The following STAT4 variants were observed in gnomAD, a reference collection of about 807,000 sequenced individuals.
STAT4 encodes the protein signal transducer and activator of transcription 4.
Under a neutral mutation model 110.5 loss-of-function variants are expected in STAT4, and 42 were observed. That is an observed-to-expected ratio of 0.38 (90% confidence interval 0.30 to 0.49). The LOEUF (loss-of-function observed/expected upper bound fraction) is 0.49, where lower values mean the gene tolerates loss of function less well. STAT4 is among the 20% of genes least tolerant of loss of function. The pLI, the probability that STAT4 is intolerant of heterozygous loss-of-function variation, is 0.95. For missense variants in STAT4, 632 were observed against 887.9 expected (o/e 0.71, Z 3.66); for synonymous variants, 284 against 302.2 (o/e 0.94, Z 0.63).
intron 14 of STAT4, among the ~76,000 whole-genome samples, chr2:191,047,406 G>A (rs1305406713): frequency 6.6e-6 from 1 of 152,144 alleles, no homozygotes; most frequent in South Asian, 2.1e-4. Context: ...TCACAACCTG[G>A]GACTTGCAAT....
intron 6 of STAT4, among the ~76,000 whole-genome samples, 172 bp downstream of exon 6, chr2:191,069,521 A>G (rs1447052299): frequency 2.0e-5 from 3 of 152,146 alleles, no homozygotes; most frequent in African/African-American, 7.2e-5. Context: ...ACGCACACAC[A>G]GACATATTTA....
At position 191,033,654 on chromosome 2, in the gene STAT4, C is replaced by T; in HGVS notation, c.1716-28G>A. On this transcript the variant is annotated intron_variant, in intron 19 of 23. Transcript: ENST00000392320. This position sits in a 1 kb window ranked among gnomAD's most constrained non-coding sequence, Gnocchi z 6.9. ...AAAAATAGAACATGCATTATTTCATCTGATCATTATTGGATTTTCACTTAT... is the reference window on the plus strand; with the variant it reads ...AAAAATAGAACATGCATTATTTCATTTGATCATTATTGGATTTTCACTTAT... The T allele has an allele frequency of 6.2e-7, 1 of 1,605,006 alleles. No homozygotes were observed. The highest frequency in any genetic ancestry group is 8.5e-7 in the Non-Finnish European group (1 of 1,176,854).
intron 3 of STAT4, among the ~76,000 whole-genome samples, chr2:191,136,017 A>AAAAAAAAAAAAAAAAAAAAAC (rs1699171501): frequency 7.8e-6 from 1 of 127,768 alleles, no homozygotes; most frequent in African/African-American, 2.9e-5. Flanking sequence ...AAAAAAAAAA[A>AAAAAAAAAAAAAAAAAAAAAC]AAAAACCAAA....
intron 18 of STAT4, among the ~76,000 whole-genome samples, chr2:191,034,223 C>T (rs3024891): frequency 0.36 from 53,990 of 151,856 alleles, 11,634 homozygotes; most frequent in Non-Finnish European, 0.49. Context: ...GAGATTGAGA[C>T]CATCCTGACT....
Position 191,104,389 on chromosome 2 carries a change from T to C in STAT4, c.274-28064A>G, listed in dbSNP as rs1220940423. Among the ~76,000 whole-genome samples the C allele has an allele frequency of 6.6e-6, 1 of 152,132 alleles. No homozygotes were observed. The highest frequency in any genetic ancestry group is 2.4e-5 in the African/African-American group (1 of 41,442). On this transcript the variant is annotated intron_variant, in intron 3 of 23. Transcript: ENST00000392320. This position sits in a 1 kb window ranked among gnomAD's most constrained non-coding sequence, Gnocchi z 4.3. ...CTAACATTTATTTTCTAGGAGAAGA[T>C]GAGGTAATATTGTAGATAAAAAGCT...
rs1455121532 is a variant in STAT4 at position 191,083,776 on chromosome 2, G to T, written c.274-7451C>A. ...TTCCTCGCCAATGTCAAACACACTG[G>T]CCTGTGTGGGTATCAAACTGACTTA... On this transcript the variant is annotated intron_variant, in intron 3 of 23. Transcript: ENST00000392320. This position sits in a 1 kb window ranked among gnomAD's most constrained non-coding sequence, Gnocchi z 4.6. 6.6e-6 allele frequency among the ~76,000 whole-genome samples: 1 copy of T among 151,964 alleles called. No individual in the cohort carries two copies. The highest frequency in any genetic ancestry group is 1.5e-5 in the Non-Finnish European group (1 of 68,006).
At position 191,076,296 on chromosome 2, in the gene STAT4, T is replaced by C; in HGVS notation, c.303A>G (p.Val101=). Residue 101 remains valine (V), a synonymous_variant, in exon 4 of 24, where the codon GTA becomes GTG. Transcript: ENST00000392320. ...TTAAACAGTTTGAAATAACCACAGCTACATGCATTGGATTTCCATGAAATT... is the reference window on the plus strand; with the variant it reads ...TTAAACAGTTTGAAATAACCACAGCCACATGCATTGGATTTCCATGAAATT... The part of the protein sequence containing the change: ...QGKFHGNPMH[V]AVVISNCLRE... The C allele has an allele frequency of 6.2e-7, 1 of 1,605,910 alleles. No individual in the cohort carries two copies. Among genetic ancestry groups the C allele is most frequent in the Non-Finnish European group, 8.5e-7 (1 of 1,177,342 alleles).
rs898049441 is a variant in STAT4, at chr2:191,090,582, C to T, written c.274-14257G>A. Among the ~76,000 whole-genome samples, 1 of 152,046 alleles carries T rather than the reference C, an allele frequency of 6.6e-6. No homozygotes were observed. Among genetic ancestry groups the T allele is most frequent in the African/African-American group, 2.4e-5 (1 of 41,390 alleles). On this transcript the variant is annotated intron_variant, in intron 3 of 23. Transcript: ENST00000392320. The surrounding 1 kb of genome is among the most constrained non-coding windows in gnomAD (Gnocchi z 4.2). ...TACTACTTGGTTTGTTTGTTTGAGA[C>T]AGAGTCTTGCTTCTGTTGCCCAGAC...
rs759763786 is a variant in STAT4, at chr2:191,062,922, T to G, written c.783-2A>C. On this transcript the variant is annotated splice_acceptor_variant, in intron 8 of 23. Transcript: ENST00000392320. LOFTEE classifies it high-confidence loss of function. The surrounding 1 kb of genome is among the most constrained non-coding windows in gnomAD (Gnocchi z 4.9). ...AGACTTTCTGCCAATAGTGTAAAGC[T>G]ATTGAACAGAAAATGAAAATCAAAG... 6.2e-7 allele frequency: 1 copy of G among 1,606,432 alleles called. No homozygotes were observed. Among genetic ancestry groups the G allele is most frequent in the Non-Finnish European group, 8.5e-7 (1 of 1,176,844 alleles).
rs1699353084 is a variant in STAT4 at position 191,142,197 on chromosome 2, A to T, written c.273+4416T>A. On this transcript the variant is annotated intron_variant, in intron 3 of 23. Coordinates refer to ENST00000392320, the MANE Select transcript of STAT4 (RefSeq NM_003151.4). The surrounding 1 kb of genome is among the most constrained non-coding windows in gnomAD (Gnocchi z 4.1). ...AGTGTCCATTGATGGAAGAATGGATAAAGAAAATAAAGAAAATAGATATAT... is the reference window on the plus strand; with the variant it reads ...AGTGTCCATTGATGGAAGAATGGATTAAGAAAATAAAGAAAATAGATATAT... Among the ~76,000 whole-genome samples the T allele has an allele frequency of 6.6e-6, 1 of 151,446 alleles. No individual in the cohort carries two copies. Among genetic ancestry groups the T allele is most frequent in the Non-Finnish European group, 1.5e-5 (1 of 68,020 alleles).
chr2:191,056,507 T>C lies in STAT4; in HGVS notation c.1206+1511A>G, dbSNP rs569850635. Among the ~76,000 whole-genome samples the C allele has an allele frequency of 1.2e-3, 187 of 152,256 alleles. 1 individual carries two copies. The highest frequency in any genetic ancestry group is 4.4e-3 in the African/African-American group (181 of 41,538). On this transcript the variant is annotated intron_variant, in intron 13 of 23. Coordinates refer to ENST00000392320, the MANE Select transcript of STAT4 (RefSeq NM_003151.4). ...AAAGCGCTTTTAGCCAGACATGGTT[T>C]TGGAGATGTAAAAATGAAACCAGGA... is the stretch of plus-strand genomic sequence containing the variant.
rs2459615 is a variant in STAT4, at chr2:191,082,455, C to T, written c.274-6130G>A. ...GATTGAAGTGACAACAACATGATAG[C>T]TTTGACCCAGTTTCACATCACAGGC... is the stretch of plus-strand genomic sequence containing the variant. On this transcript the variant is annotated intron_variant, in intron 3 of 23. Coordinates refer to ENST00000392320, the MANE Select transcript of STAT4 (RefSeq NM_003151.4). This position sits in a 1 kb window ranked among gnomAD's most constrained non-coding sequence, Gnocchi z 4.7. Among the ~76,000 whole-genome samples the T allele has an allele frequency of 0.013, 1,922 of 152,302 alleles. 42 individuals are homozygous for T. Among genetic ancestry groups the T allele is most frequent in the African/African-American group, 0.044 (1,835 of 41,562 alleles).
chr2:191,058,638 A>G lies in STAT4; in HGVS notation c.1094+72T>C. ...ATTTAAAAGTTCAAAATTATTCTATAAAATAAAGGCCATTCATTTTTAAAA... is the reference window on the plus strand; with the variant it reads ...ATTTAAAAGTTCAAAATTATTCTATGAAATAAAGGCCATTCATTTTTAAAA... On this transcript the variant is annotated intron_variant, in intron 11 of 23. Transcript: ENST00000392320. The surrounding 1 kb of genome is among the most constrained non-coding windows in gnomAD (Gnocchi z 4.3). 1.1e-6 allele frequency: 1 copy of G among 885,530 alleles called. No homozygotes were observed. Among genetic ancestry groups the G allele is most frequent in the Admixed American group, 2.5e-5 (1 of 39,794 alleles). The allele number at this position is 885,530 out of a possible 1,614,324, so 54.9% of individuals were successfully genotyped here. A position where few individuals can be genotyped will look rare whatever the true frequency, so the allele number is the denominator to read the frequency against.
Position 191,138,322 on chromosome 2 carries a change from A to ATGT in STAT4, c.273+8288_273+8290dup, listed in dbSNP as rs1338292873. On this transcript the variant is annotated intron_variant, in intron 3 of 23. Coordinates refer to ENST00000392320, the MANE Select transcript of STAT4 (RefSeq NM_003151.4). The surrounding 1 kb of genome is among the most constrained non-coding windows in gnomAD (Gnocchi z 4.3). ...ACAAAAGATAAATGAAACAAAAAGC[A>ATGT]TGTTATTTGAAAAGATAATATTGAT... 2.0e-5 allele frequency among the ~76,000 whole-genome samples: 3 copies of ATGT among 152,178 alleles called. No homozygotes were observed. Among genetic ancestry groups the ATGT allele is most frequent in the African/African-American group, 7.2e-5 (3 of 41,456 alleles).
chr2:191,049,592 T>G (rs1696462438), intron 14 of STAT4, among the ~76,000 whole-genome samples: 1 of 152,218 alleles, frequency 6.6e-6, no homozygotes, highest in African/African-American at 2.4e-5. Flanking sequence ...CATAATTTAT[T>G]GTAATGTCCC....
chr2:191,151,572 A>G (rs1279599184), upstream of STAT4: 1 of 984,632 alleles, frequency 1.0e-6, no homozygotes, highest in East Asian at 1.1e-4. The surrounding 1 kb of genome is among the most constrained non-coding windows in gnomAD (Gnocchi z 4.7). Context: ...GCCTCCTCCT[A>G]CTCTCCTTGA....
chr2:191,102,359 C>T (rs944294974), intron 3 of STAT4, among the ~76,000 whole-genome samples: 3 of 151,826 alleles, frequency 2.0e-5, no homozygotes, highest in African/African-American at 7.3e-5. Context: ...ATAGTCTATT[C>T]CTCTTTTGCT....
rs1433614558 is a variant in STAT4, at chr2:191,059,482, A to T, written c.1035-713T>A. ...GAGATAGTCATTCAATCCCTCACAC[A>T]TTCATTCATTTACTCATGCCCTCAT... On this transcript the variant is annotated intron_variant, in intron 10 of 23. Coordinates refer to ENST00000392320, the MANE Select transcript of STAT4 (RefSeq NM_003151.4). The surrounding 1 kb of genome is among the most constrained non-coding windows in gnomAD (Gnocchi z 4.7). Among the ~76,000 whole-genome samples, 1 of 152,144 alleles carries T rather than the reference A, an allele frequency of 6.6e-6. No homozygotes were observed. Among genetic ancestry groups the T allele is most frequent in the Non-Finnish European group, 1.5e-5 (1 of 68,038 alleles).
chr2:191,141,897 C>A (rs1559086039), intron 3 of STAT4, among the ~76,000 whole-genome samples: 1 of 151,930 alleles, frequency 6.6e-6, no homozygotes, highest in Non-Finnish European at 1.5e-5. Context: ...GCTACCACGC[C>A]CAGCCTAGAA....
Sources: gnomAD v4.1 joint callset for allele counts (sites outside exome capture counted in the v4.1 genomes callset) on GRCh38, gnomAD v4.1.1 for gene constraint, Gnocchi (gnomAD v3.1) non-coding constraint, MANE v1.5 for transcripts, NCBI Gene and HGNC (gene_info 2026-07-23, HGNC 2026-07-21) for gene names.